The following TEKTL1 variants were observed in gnomAD, a reference collection of about 807,000 sequenced individuals.
TEKTL1 encodes tektin like 1.
At chr19:15,013,765 G>C in the TEKTL1 span, 1 of 1,611,460 alleles carries the variant, frequency 6.2e-7, no homozygotes, top group Non-Finnish European at 8.5e-7. Context: ...AAAATCAGAG[G>C]TCCTACTCAA....
At chr19:15,013,299 C>G in the TEKTL1 span, among the ~76,000 whole-genome samples, 1 of 152,110 alleles carries the variant, frequency 6.6e-6, no homozygotes, top group Admixed American at 6.5e-5. Flanking sequence ...TATGATCCCT[C>G]CACCTGTAGC....
the TEKTL1 span, among the ~76,000 whole-genome samples, chr19:15,018,051 T>C: frequency 8.9e-4 from 135 of 151,848 alleles, no homozygotes; most frequent in South Asian, 3.3e-3. Flanking sequence ...CAGGAAAGGG[T>C]CAAGAATGGA....
chr19:15,017,593 G>A, the TEKTL1 span, among the ~76,000 whole-genome samples: 1 of 152,142 alleles, frequency 6.6e-6, no homozygotes, highest in African/African-American at 2.4e-5. Context: ...TAGAGGTGGG[G>A]ATGGGATGAG....
At chr19:15,012,633 C>T in the TEKTL1 span, among the ~76,000 whole-genome samples, 3 of 151,968 alleles carry the variant, frequency 2.0e-5, no homozygotes, top group African/African-American at 7.3e-5. Context: ...AAGAGTGAGC[C>T]CTGCCCAAGG....
chr19:15,011,737 A>AAG, the TEKTL1 span, among the ~76,000 whole-genome samples: 4 of 87,482 alleles, frequency 4.6e-5, no homozygotes, highest in African/African-American at 1.9e-4. Flanking sequence ...TCCATCTCAA[A>AAG]AAAAAAAAAA....
At chr19:15,020,024 A>G in the TEKTL1 span, among the ~76,000 whole-genome samples, 1 of 151,404 alleles carries the variant, frequency 6.6e-6, no homozygotes, top group Non-Finnish European at 1.5e-5. Flanking sequence ...AAAAAAAAAA[A>G]AAATTAGGCA....
chr19:15,016,860 T>G, the TEKTL1 span, among the ~76,000 whole-genome samples: 1 of 152,166 alleles, frequency 6.6e-6, no homozygotes, highest in African/African-American at 2.4e-5. Flanking sequence ...AAATTTTACT[T>G]ACAAAAACAG....
the TEKTL1 span, among the ~76,000 whole-genome samples, chr19:15,011,734 CAAAA>C: frequency 3.3e-5 from 4 of 121,790 alleles, no homozygotes; most frequent in Non-Finnish European, 3.4e-5. Context: ...AACTCCATCT[CAAAA>C]AAAAAAAAAA....
the TEKTL1 span, among the ~76,000 whole-genome samples, chr19:15,012,580 T>G: frequency 6.6e-6 from 1 of 151,942 alleles, no homozygotes; most frequent in Non-Finnish European, 1.5e-5. Context: ...AAAAAGATGA[T>G]GGATACAGGC....
chr19:15,022,005 C>A, the TEKTL1 span: 2 of 1,026,766 alleles, frequency 1.9e-6, no homozygotes, highest in Non-Finnish European at 2.9e-6. Flanking sequence ...CAGGTATGAT[C>A]CCCCTCTCAC....
the TEKTL1 span, chr19:15,011,039 C>T: frequency 6.3e-7 from 1 of 1,578,566 alleles, no homozygotes; most frequent in Non-Finnish European, 8.6e-7. Context: ...CCAGCCCTGG[C>T]GCTTCCGCGT....
At chr19:15,011,682 C>A in the TEKTL1 span, among the ~76,000 whole-genome samples, 2 of 147,788 alleles carry the variant, frequency 1.4e-5, no homozygotes, top group African/African-American at 5.0e-5. Flanking sequence ...TGCAGTGAGC[C>A]GAGATCGTGC....
the TEKTL1 span, chr19:15,013,846 T>A: frequency 1.1e-6 from 1 of 898,526 alleles, no homozygotes. Flanking sequence ...GACAAACCAC[T>A]CTGACCTGGG....
At chr19:15,022,933 C>T in the TEKTL1 span, 1 of 1,611,252 alleles carries the variant, frequency 6.2e-7, no homozygotes, top group East Asian at 2.2e-5. Flanking sequence ...AGCTGCTCGC[C>T]ACGCACAAGA....
the TEKTL1 span, chr19:15,021,292 G>A: frequency 6.3e-7 from 1 of 1,589,330 alleles, no homozygotes; most frequent in Non-Finnish European, 8.6e-7. Flanking sequence ...AATAGAGAGA[G>A]GGACAGGGGC....
the TEKTL1 span, among the ~76,000 whole-genome samples, chr19:15,014,549 A>G: frequency 6.6e-5 from 10 of 151,990 alleles, no homozygotes; most frequent in African/African-American, 2.2e-4. Context: ...TTATGTATAG[A>G]TCTCCTCAGC....
the TEKTL1 span, among the ~76,000 whole-genome samples, chr19:15,019,074 G>A: frequency 1.3e-5 from 2 of 151,974 alleles, no homozygotes; most frequent in Non-Finnish European, 2.9e-5. Flanking sequence ...TCAGCCTCCT[G>A]AGTAGCTGGA....
At chr19:15,020,012 C>CAAAAA in the TEKTL1 span, among the ~76,000 whole-genome samples, 27 of 136,562 alleles carry the variant, frequency 2.0e-4, no homozygotes, top group African/African-American at 7.3e-4. Context: ...TTACCAGTAT[C>CAAAAA]AAAAAAAAAA....
chr19:15,019,509 T>C, the TEKTL1 span, among the ~76,000 whole-genome samples: 1 of 152,188 alleles, frequency 6.6e-6, no homozygotes, highest in Admixed American at 6.5e-5. Context: ...TATATACAAT[T>C]ATTATTTTTC....
Sources: allele counts gnomAD v4.1 joint callset (sites outside exome capture counted in the v4.1 genomes callset), GRCh38; gene constraint gnomAD v4.1.1; transcripts MANE v1.5; gene names NCBI Gene and HGNC (gene_info 2026-07-23, HGNC 2026-07-21).